GAREM1: variants seen among roughly 807,000 people sequenced by gnomAD.
GAREM1 encodes the protein GRB2 associated regulator of MAPK1 subtype 1.
GAREM1 carries 26 observed loss-of-function variants against 71.3 expected under a neutral mutation model. The observed-to-expected ratio is 0.36, with a 90% CI of 0.27 to 0.51. GAREM1 has a LOEUF of 0.51. Ranked by LOEUF, GAREM1 falls within the 20% of genes least tolerant of loss-of-function variation. GAREM1 has a pLI of 0.95. For synonymous variants in GAREM1, 440 were observed against 433.2 expected (o/e 1.02, Z -0.20); for missense variants, 1,026 against 1,103.1 (o/e 0.93, Z 0.99).
intron 3 of GAREM1, among the ~76,000 whole-genome samples, chr18:32,305,191 T>G (rs1260814436): frequency 1.3e-5 from 2 of 152,120 alleles, no homozygotes; most frequent in African/African-American, 4.8e-5. Context: ...GGAATTCCTT[T>G]AGCTTTGCAG....
chr18:32,349,755 G>A (rs113207378), intron 2 of GAREM1, among the ~76,000 whole-genome samples: 118 of 152,266 alleles, frequency 7.7e-4, no homozygotes, highest in African/African-American at 2.6e-3. Context: ...AAAATGTATC[G>A]TGTGGGCTTG....
At position 32,270,897 on chromosome 18, in the gene GAREM1, GTT is replaced by G. The variant is rs58914123; in HGVS notation, c.1567-516_1567-515del. On this transcript the variant is annotated intron_variant, in intron 4 of 5. Coordinates refer to ENST00000269209, the MANE Select transcript of GAREM1 (RefSeq NM_001242409.2). ...TCCTTCTGAAGTCATGTTCAGGGAT[GTT>G]TTTTTTTTTTTTTTTTTTTTGAGAT... Among the ~76,000 whole-genome samples the G allele has an allele frequency of 8.2e-3, 756 of 92,578 alleles. 4 individuals carry two copies. The highest frequency in any genetic ancestry group is 0.03 in the African/African-American group (711 of 23,492). 60.7% of individuals were successfully genotyped at this position (92,578 alleles called of 152,430 possible). A position where few individuals can be genotyped will look rare whatever the true frequency, so the allele number is the denominator to read the frequency against.
intron 2 of GAREM1, among the ~76,000 whole-genome samples, chr18:32,375,491 T>C (rs952935855): frequency 6.6e-6 from 1 of 152,194 alleles, no homozygotes; most frequent in Non-Finnish European, 1.5e-5. Context: ...CCAGTCTAAA[T>C]CTATTGGCTG....
intron 2 of GAREM1, among the ~76,000 whole-genome samples, chr18:32,319,188 C>T (rs1037551587): frequency 6.6e-6 from 1 of 152,178 alleles, no homozygotes; most frequent in African/African-American, 2.4e-5. Flanking sequence ...TTAAAAATGG[C>T]TCAAATAACT....
In GAREM1 at chr18:32,270,357, G is replaced by T. The variant is rs368693154; in HGVS notation, c.1593C>A (p.Asn531Lys). Residue 531 changes from asparagine (N) to lysine (K), a missense_variant, in exon 5 of 6, where the codon AAC (asparagine) becomes AAA (lysine). Around this residue, in one of 3 missense-constraint regions of GAREM1, gnomAD observed 636 missense variants for 631.2 expected, o/e 1.01. Transcript: ENST00000269209. ...EAVREECRLL[N>K]APPVPPRSAK... ...CGCTTCGGGGTGGAACAGGTGGGGCGTTCAGGAGCCGGCATTCTTCTCTGA... is the reference window on the plus strand; with the variant it reads ...CGCTTCGGGGTGGAACAGGTGGGGCTTTCAGGAGCCGGCATTCTTCTCTGA... The T allele has an allele frequency of 3.1e-6, 5 of 1,613,338 alleles. No individual in the cohort carries two copies. Among genetic ancestry groups the T allele is most frequent in the Non-Finnish European group, 2.5e-6 (3 of 1,179,804 alleles).
chr18:32,425,729 C>G (rs1469226747), intron 1 of GAREM1, among the ~76,000 whole-genome samples: 1 of 152,192 alleles, frequency 6.6e-6, no homozygotes, highest in African/African-American at 2.4e-5. Context: ...AAGCATGACT[C>G]ATATGGATTT....
chr18:32,366,019 T>A (rs2047925968), intron 2 of GAREM1, among the ~76,000 whole-genome samples: 2 of 152,118 alleles, frequency 1.3e-5, no homozygotes, highest in African/African-American at 4.8e-5. Context: ...TTCAGTTCCA[T>A]CTCTCCATTT....
intron 2 of GAREM1, among the ~76,000 whole-genome samples, chr18:32,377,909 ATG>A (rs2048048769): frequency 6.6e-6 from 1 of 152,118 alleles, no homozygotes; most frequent in African/African-American, 2.4e-5. Flanking sequence ...AATGCATCAA[ATG>A]ATTTTCCTTC....
chr18:32,334,684 T>C (rs1442818408), intron 2 of GAREM1, among the ~76,000 whole-genome samples: 2 of 152,188 alleles, frequency 1.3e-5, no homozygotes, highest in Admixed American at 1.3e-4. Context: ...TTTTAAAGGT[T>C]TCTTGTCAAT....
At chr18:32,302,209 T>C (rs553588432) in intron 3 of GAREM1, among the ~76,000 whole-genome samples, 1 of 152,274 alleles carries the variant, frequency 6.6e-6, no homozygotes, top group South Asian at 2.1e-4. Context: ...GCTGAGTCAT[T>C]TTGTGGCTTC....
chr18:32,405,859 C>T (rs112653928), intron 1 of GAREM1, among the ~76,000 whole-genome samples: 21 of 152,294 alleles, frequency 1.4e-4, no homozygotes, highest in Middle Eastern at 3.4e-3. Context: ...TATGCCTGGA[C>T]CACACACTGA....
chr18:32,374,433 G>A (rs1019521102), intron 2 of GAREM1, among the ~76,000 whole-genome samples: 2 of 152,204 alleles, frequency 1.3e-5, no homozygotes, highest in African/African-American at 4.8e-5. Context: ...GTGCCCCTAT[G>A]AGAATGTTCT....
intron 2 of GAREM1, among the ~76,000 whole-genome samples, chr18:32,391,250 G>A (rs2048194133): frequency 6.6e-6 from 1 of 152,172 alleles, no homozygotes; most frequent in African/African-American, 2.4e-5. Context: ...GAAACAGTTA[G>A]ACGACTAATG....
chr18:32,331,438 C>G (rs1314702914), intron 2 of GAREM1: 1 of 152,204 alleles, frequency 6.6e-6, no homozygotes, highest in Non-Finnish European at 1.5e-5. Flanking sequence ...TGTAAAAACA[C>G]ATATGTGGGC....
At chr18:32,335,568 G>C (rs1170011060) in intron 2 of GAREM1, among the ~76,000 whole-genome samples, 2 of 152,174 alleles carry the variant, frequency 1.3e-5, no homozygotes, top group Non-Finnish European at 2.9e-5. Flanking sequence ...TTTGGACAGA[G>C]CAATGCAATT....
At chr18:32,275,311 T>C (rs1361249508) in intron 4 of GAREM1, among the ~76,000 whole-genome samples, 3 of 152,160 alleles carry the variant, frequency 2.0e-5, no homozygotes, top group African/African-American at 7.2e-5. Context: ...TTATTTCCAA[T>C]GTAATGTTTA....
intron 4 of GAREM1, among the ~76,000 whole-genome samples, chr18:32,282,583 T>C (rs1243133507): frequency 6.6e-6 from 1 of 152,184 alleles, no homozygotes; most frequent in African/African-American, 2.4e-5. Context: ...TCACCCAGGC[T>C]GGAGTATAGT....
intron 3 of GAREM1, 79 bp downstream of exon 3, chr18:32,310,114 C>T: frequency 6.7e-7 from 1 of 1,501,792 alleles, no homozygotes; most frequent in Non-Finnish European, 9.1e-7. Flanking sequence ...CACAGATGAA[C>T]ACTTACTGTG....
At chr18:32,325,906 A>G (rs1173359112) in intron 2 of GAREM1, among the ~76,000 whole-genome samples, 5 of 152,244 alleles carry the variant, frequency 3.3e-5, no homozygotes, top group Admixed American at 3.3e-4. Flanking sequence ...TAAGTGGCAC[A>G]TGACAAGGAC....
Sources: allele counts gnomAD v4.1 joint callset (sites outside exome capture counted in the v4.1 genomes callset), GRCh38; gene constraint gnomAD v4.1.1; regional missense constraint gnomAD v4.1.1; transcripts MANE v1.5; gene names NCBI Gene and HGNC (gene_info 2026-07-23, HGNC 2026-07-21).